Variants in CYP4A11 observed in about 807,000 individuals in gnomAD.
The protein encoded by CYP4A11 is cytochrome P450 4A11.
Under a neutral mutation model 57.7 loss-of-function variants are expected in CYP4A11, and 52 were observed. The observed-to-expected ratio is 0.90, with a 90% CI of 0.72 to 1.14. The LOEUF is 1.14. Among genes scored for constraint, CYP4A11 ranks in the 50% most tolerant of loss-of-function variants. CYP4A11 has a pLI of 0.00. For missense variants in CYP4A11, 641 were observed against 642.1 expected, an observed-to-expected ratio of 1.00 and a Z score of 0.02; for synonymous variants, 228 against 247.1, an observed-to-expected ratio of 0.92 and a Z score of 0.72.
chr1:46,931,521 A>G lies in CYP4A11; in HGVS notation c.1365-1211T>C, dbSNP rs397843772. 9.9e-5 allele frequency: 80 copies of G among 805,674 alleles called. No homozygotes were observed. The African/African-American group carries it at 1.4e-3, about 14-fold the overall frequency. The allele number at this position is 805,674 out of a possible 1,614,324, so 49.9% of individuals were successfully genotyped here. A position where few individuals can be genotyped will look rare whatever the true frequency, so the allele number is the denominator to read the frequency against. On this transcript the variant is annotated intron_variant, in intron 11 of 11. Coordinates refer to ENST00000310638, the MANE Select transcript of CYP4A11 (RefSeq NM_000778.4). ...GAGAGGTAGCTTAAGAAATACTTCT[A>G]TATTTGAATGATGTTAAGTTTTAAA...
Position 46,938,072 on chromosome 1 carries a change from A to C in CYP4A11, c.261T>G (p.Pro87=), listed in dbSNP as rs1216726592. Residue 87 remains proline, a synonymous_variant, in exon 2 of 12, where the codon CCT becomes CCG. Coordinates refer to ENST00000310638, the MANE Select transcript of CYP4A11 (RefSeq NM_000778.4). ...GAACTTTGCCTCCCCATAGCCAATG[A>C]GGACAGGCACTTGGGAATGTCTCCA... The part of the protein sequence containing the change: ...KWVETFPSAC[P]HWLWGGKVRV... 1.5e-5 allele frequency: 24 copies of C among 1,614,118 alleles called. No individual in the cohort carries two copies. Among genetic ancestry groups the C allele is most frequent in the Non-Finnish European group, 2.0e-5 (24 of 1,180,042 alleles).
chr1:46,938,232 A>G (rs1310729620), intron 1 of CYP4A11, 95 bp from the exon 2 acceptor site: 27 of 1,520,070 alleles, frequency 1.8e-5, no homozygotes, highest in South Asian at 2.4e-5. Flanking sequence ...CATGTAGCGC[A>G]GGTTAGGGAT....
In CYP4A11 at chr1:46,938,051, T is replaced by C; in HGVS notation, c.282A>G (p.Lys94=). 3 of 1,614,190 alleles carry C rather than the reference T, an allele frequency of 1.9e-6. No homozygotes were observed. The highest frequency in any genetic ancestry group is 2.5e-6 in the Non-Finnish European group (3 of 1,180,028). ...SACPHWLWGG[K]VRVQLYDPDY... is the part of the protein sequence containing the mutation. ...CAGGGTCATAGAGCTGGACACGAAC[T>C]TTGCCTCCCCATAGCCAATGAGGAC... The change falls in exon 2 of 12, where the codon AAA becomes AAG. Residue 94 remains lysine (K), a synonymous_variant. Transcript: ENST00000310638.
Position 46,934,280 on chromosome 1 carries a change from A to G in CYP4A11, c.984T>C (p.Ser328=). The G allele has an allele frequency of 6.2e-7, 1 of 1,612,516 alleles. No individual in the cohort carries two copies. Among genetic ancestry groups the G allele is most frequent in the Non-Finnish European group, 8.5e-7 (1 of 1,179,462 alleles). Residue 328 remains serine (S), a synonymous_variant, in exon 8 of 12, where the codon AGT becomes AGC. Coordinates refer to ENST00000310638, the MANE Select transcript of CYP4A11 (RefSeq NM_000778.4). ...FMFEGHDTTA[S]GISWILYALA... is the part of the protein sequence containing the mutation. ...GAGCATAGAGGATCCAGGAGATCCC[A>G]CTGGCTGTGGTGTCGTGGCCCTCAA... is the stretch of plus-strand genomic sequence containing the variant.
chr1:46,938,051 T>G lies in CYP4A11; in HGVS notation c.282A>C (p.Lys94Asn), dbSNP rs1410816810. ...SACPHWLWGGKVRVQLYDPDY... is the reference protein window; with the variant it reads ...SACPHWLWGGNVRVQLYDPDY... ...CAGGGTCATAGAGCTGGACACGAAC[T>G]TTGCCTCCCCATAGCCAATGAGGAC... Residue 94 changes from lysine (K) to asparagine (N), a missense_variant, in exon 2 of 12, where the codon AAA becomes AAC. Transcript: ENST00000310638. The G allele has an allele frequency of 6.2e-7, 1 of 1,614,190 alleles. No homozygotes were observed. The highest frequency in any genetic ancestry group is 1.7e-5 in the Admixed American group (1 of 60,030).
chr1:46,937,430 T>C (rs1681480427), intron 2 of CYP4A11, 84 bp from the exon 3 acceptor site: 2 of 1,465,892 alleles, frequency 1.4e-6, no homozygotes, highest in African/African-American at 1.4e-5. Context: ...TTGGTGTCTG[T>C]CAGTTGGCAG....
intron 9 of CYP4A11, among the ~76,000 whole-genome samples, 159 bp from the exon 10 acceptor site, chr1:46,933,206 A>G (rs575018824): frequency 1.9e-3 from 293 of 152,338 alleles, no homozygotes; most frequent in African/African-American, 6.7e-3. Flanking sequence ...GGTTAGGCTT[A>G]ACAAAGCATG....
chr1:46,941,371 C>G lies in CYP4A11; in HGVS notation c.63G>C (p.Ala21=). 1 of 1,614,130 alleles carries G rather than the reference C, an allele frequency of 6.2e-7. No homozygotes were observed. Reference sequence around the variant, plus strand: ...GCAGAAGCAGAATGAGCAGGGAGGCCGCTTGGAGGATTCCAGAGACATCAC... The same window carrying G: ...GCAGAAGCAGAATGAGCAGGGAGGCGGCTTGGAGGATTCCAGAGACATCAC... The part of the protein sequence containing the change: ...LLGDVSGILQ[A]ASLLILLLLL... The change falls in exon 1 of 12, where the codon GCG becomes GCC. Residue 21 remains alanine (A), a synonymous_variant. Transcript: ENST00000310638.
chr1:46,932,052 T>A, intron 11 of CYP4A11: 1 of 981,132 alleles, frequency 1.0e-6, no homozygotes, highest in Non-Finnish European at 1.2e-6. Context: ...TTGTGCTAAG[T>A]GGATTACAGG....
At chr1:46,930,451 C>G in intron 11 of CYP4A11, 141 bp from the exon 12 acceptor site, 1 of 961,582 alleles carries the variant, frequency 1.0e-6, no homozygotes. Context: ...ACATACAGCC[C>G]ATGGACACTT....
chr1:46,933,926 A>G lies in CYP4A11; in HGVS notation c.1222+20T>C. 6.2e-7 allele frequency: 1 copy of G among 1,613,852 alleles called. No individual in the cohort carries two copies. The highest frequency in any genetic ancestry group is 8.5e-7 in the Non-Finnish European group (1 of 1,179,906). ...CGTCCCTGTGGAGAGTTTAGGTGAGAGGGTGGGGGAACTTCATACCTTTGG... is the reference window on the plus strand; with the variant it reads ...CGTCCCTGTGGAGAGTTTAGGTGAGGGGGTGGGGGAACTTCATACCTTTGG... On this transcript the variant is annotated intron_variant, in intron 9 of 11. Transcript: ENST00000310638.
chr1:46,936,831 G>C lies in CYP4A11; in HGVS notation c.383-40C>G. 3.2e-6 allele frequency: 5 copies of C among 1,569,906 alleles called. No homozygotes were observed. In the East Asian group the frequency reaches 9.1e-5, roughly 29 times the overall value. On this transcript the variant is annotated intron_variant, in intron 3 of 11. Coordinates refer to ENST00000310638, the MANE Select transcript of CYP4A11 (RefSeq NM_000778.4). ...AATGTGTGTTTGTGTGTGTGTGTGT[G>C]TGTGTGTGTGTGTCAGGGGCTGCAA...
Position 46,932,989 on chromosome 1 carries a change from GTTGGGCCACACTT to G in CYP4A11, c.1268_1280del (p.Lys423ThrfsTer38). ...CCTCTCAAGGACCACATACCTCTGG[GTTGGGCCACACTT>G]TTGGGTTGTGGTGAAGGCCATAAAT... On this transcript the variant is annotated frameshift_variant, in exon 10 of 12. Coordinates refer to ENST00000310638, the MANE Select transcript of CYP4A11 (RefSeq NM_000778.4). LOFTEE classifies it high-confidence loss of function. 6.2e-7 allele frequency: 1 copy of G among 1,614,188 alleles called. No homozygotes were observed. Among genetic ancestry groups the G allele is most frequent in the Non-Finnish European group, 8.5e-7 (1 of 1,180,040 alleles).
Sources: gnomAD v4.1 joint callset for allele counts (sites outside exome capture counted in the v4.1 genomes callset) on GRCh38, gnomAD v4.1.1 for gene constraint, MANE v1.5 for transcripts, NCBI Gene and HGNC (gene_info 2026-07-23, HGNC 2026-07-21) for gene names.